TMEM144: variants seen among roughly 807,000 people sequenced by gnomAD.
The protein encoded by TMEM144 is transmembrane protein 144.
TMEM144 carries 39 observed loss-of-function variants against 43.6 expected under a neutral mutation model. The observed-to-expected ratio is 0.90, with a 90% CI of 0.69 to 1.17. The LOEUF (loss-of-function observed/expected upper bound fraction) is 1.17. Ranked by LOEUF, TMEM144 falls within the 50% of genes most tolerant of loss-of-function variation. The pLI, the probability that TMEM144 is intolerant of heterozygous loss-of-function variation, is 0.00. For missense variants in TMEM144, 417 were observed against 411.9 expected (o/e 1.01, Z -0.11); for synonymous variants, 154 against 133.6 (o/e 1.15, Z -1.06).
intron 8 of TMEM144, among the ~76,000 whole-genome samples, chr4:158,237,047 G>C (rs986874353): frequency 6.6e-5 from 10 of 152,182 alleles, no homozygotes; most frequent in African/African-American, 2.4e-4. Flanking sequence ...GCATAGGCAA[G>C]TTCGTGGATT....
chr4:158,238,319 A>G (rs1046503210), intron 9 of TMEM144, among the ~76,000 whole-genome samples: 1 of 152,234 alleles, frequency 6.6e-6, no homozygotes, highest in African/African-American at 2.4e-5. Context: ...ACCTCTGTTC[A>G]GATAAAGGAG....
chr4:158,226,216 T>A (rs1734759329), intron 6 of TMEM144, among the ~76,000 whole-genome samples: 1 of 152,244 alleles, frequency 6.6e-6, no homozygotes, highest in African/African-American at 2.4e-5. Flanking sequence ...ATAAGCTAAA[T>A]TTTACCTTTA....
chr4:158,241,617 G>A lies in TMEM144; in HGVS notation c.900+11G>A, dbSNP rs1347313397. On this transcript the variant is annotated intron_variant, in intron 11 of 12. Transcript: ENST00000296529. ...CCAATAATCACTGCTGTAAGTAGCT[G>A]AACTGGTTTTCCTAATTTTCATTTT... 6.2e-7 allele frequency: 1 copy of A among 1,609,872 alleles called. No homozygotes were observed. The highest frequency in any genetic ancestry group is 1.1e-5 in the South Asian group (1 of 90,768).
At chr4:158,217,510 C>T in intron 5 of TMEM144, 90 bp downstream of exon 5, 1 of 914,212 alleles carries the variant, frequency 1.1e-6, no homozygotes, top group Non-Finnish European at 1.8e-6. Flanking sequence ...ACATATGATT[C>T]TTATTCTCAC....
intron 6 of TMEM144, among the ~76,000 whole-genome samples, chr4:158,230,184 G>T (rs933825992): frequency 6.6e-6 from 1 of 152,232 alleles, no homozygotes; most frequent in Non-Finnish European, 1.5e-5. Flanking sequence ...GGTTTCCCCA[G>T]CTGGGTAGCA....
intron 12 of TMEM144, among the ~76,000 whole-genome samples, chr4:158,250,226 A>G (rs1736134271): frequency 7.7e-6 from 1 of 130,500 alleles, no homozygotes; most frequent in South Asian, 2.5e-4. Context: ...ATATATATAT[A>G]TATAGTTACA....
Position 158,253,549 on chromosome 4 carries a change from G to T in TMEM144, c.*22G>T. On this transcript the variant is annotated 3_prime_UTR_variant, in exon 13 of 13. Coordinates refer to ENST00000296529, the MANE Select transcript of TMEM144 (RefSeq NM_018342.5). ...CTAACAATGACAAAACCAGCAGGTGGCAGCAGTAGTTAAGAGAACGCGTCT... is the reference window on the plus strand; with the variant it reads ...CTAACAATGACAAAACCAGCAGGTGTCAGCAGTAGTTAAGAGAACGCGTCT... The T allele has an allele frequency of 6.3e-7, 1 of 1,597,658 alleles. No homozygotes were observed. The highest frequency in any genetic ancestry group is 8.6e-7 in the Non-Finnish European group (1 of 1,165,844).
chr4:158,213,922 G>A (rs1734087575), intron 3 of TMEM144: 1 of 152,154 alleles, frequency 6.6e-6, no homozygotes, highest in Non-Finnish European at 1.5e-5. Context: ...AATTAGCTTT[G>A]TGATCCTGGG....
chr4:158,237,038 C>T (rs2111136339), intron 8 of TMEM144, among the ~76,000 whole-genome samples: 1 of 152,258 alleles, frequency 6.6e-6, no homozygotes, highest in Admixed American at 6.5e-5. Context: ...TCAACTAAGG[C>T]ATAGGCAAGT....
At chr4:158,215,995 AATTT>A (rs1238825656) in intron 4 of TMEM144, among the ~76,000 whole-genome samples, 3 of 152,160 alleles carry the variant, frequency 2.0e-5, no homozygotes, top group Admixed American at 1.3e-4. Flanking sequence ...TTAAAATGAA[AATTT>A]ATTTATTACC....
At chr4:158,239,618 A>G (rs1337666298) in intron 9 of TMEM144, among the ~76,000 whole-genome samples, 3 of 152,106 alleles carry the variant, frequency 2.0e-5, no homozygotes, top group Non-Finnish European at 4.4e-5. Flanking sequence ...TCACATTCTC[A>G]CTGTGGTCAA....
intron 6 of TMEM144, 50 bp downstream of exon 6, chr4:158,219,440 G>A: frequency 6.6e-7 from 1 of 1,522,470 alleles, no homozygotes; most frequent in Non-Finnish European, 9.1e-7. Context: ...CATGGAGAGT[G>A]CTTTTTTAAG....
At chr4:158,251,613 T>C (rs1736208523) in intron 12 of TMEM144, among the ~76,000 whole-genome samples, 1 of 152,218 alleles carries the variant, frequency 6.6e-6, no homozygotes, top group Non-Finnish European at 1.5e-5. Flanking sequence ...GGATTTGCCC[T>C]AGGTTTCACC....
intron 12 of TMEM144, among the ~76,000 whole-genome samples, chr4:158,252,095 A>C (rs1231605017): frequency 6.6e-6 from 1 of 152,128 alleles, no homozygotes; most frequent in Non-Finnish European, 1.5e-5. Context: ...TCAATGATTG[A>C]GGATTTATCT....
At chr4:158,228,010 G>A (rs777595750) in intron 6 of TMEM144, among the ~76,000 whole-genome samples, 21 of 152,000 alleles carry the variant, frequency 1.4e-4, no homozygotes, top group Non-Finnish European at 2.5e-4. Flanking sequence ...AGCAAAGAAC[G>A]GGTAAAAAGG....
chr4:158,232,733 A>C (rs1467580134), intron 6 of TMEM144, among the ~76,000 whole-genome samples, 168 bp from the exon 7 acceptor site: 1 of 152,220 alleles, frequency 6.6e-6, no homozygotes, highest in African/African-American at 2.4e-5. Context: ...CATCTAAGAG[A>C]ATAGGAGTTC....
intron 11 of TMEM144, among the ~76,000 whole-genome samples, 171 bp from the exon 12 acceptor site, chr4:158,244,125 A>AT (rs1376661297): frequency 3.3e-5 from 5 of 151,886 alleles, no homozygotes; most frequent in East Asian, 1.9e-4. Flanking sequence ...AAAAGTCTTC[A>AT]TTTTTTTTAC....
intron 6 of TMEM144, among the ~76,000 whole-genome samples, chr4:158,228,594 C>G (rs560172625): frequency 1.4e-3 from 213 of 152,288 alleles, no homozygotes; most frequent in Non-Finnish European, 2.2e-3. Flanking sequence ...GGCATCCCAC[C>G]GGGGCAAATG....
chr4:158,218,571 T>A (rs1734351287), intron 5 of TMEM144, among the ~76,000 whole-genome samples: 1 of 149,168 alleles, frequency 6.7e-6, no homozygotes, highest in African/African-American at 2.5e-5. Flanking sequence ...TTCTTGGTAA[T>A]GATCACGGCA....
Sources: gnomAD v4.1 joint callset for allele counts (sites outside exome capture counted in the v4.1 genomes callset) on GRCh38, gnomAD v4.1.1 for gene constraint, MANE v1.5 for transcripts, NCBI Gene and HGNC (gene_info 2026-07-23, HGNC 2026-07-21) for gene names.